AOPEP: variants seen among roughly 807,000 people sequenced by gnomAD.
AOPEP encodes the protein aminopeptidase O (putative).
AOPEP carries 77 observed loss-of-function variants against 98.1 expected under a neutral mutation model. The observed-to-expected ratio is 0.78, with a 90% CI of 0.65 to 0.95. AOPEP has a LOEUF of 0.95. AOPEP is among the 40% of genes least tolerant of loss of function. The pLI is 0.00. For synonymous variants in AOPEP, 346 were observed against 365.3 expected (o/e 0.95, Z 0.60); for missense variants, 1,024 against 1,024.7 (o/e 1.00, Z 0.01).
At chr9:94,990,698 C>T (rs976939696) in intron 11 of AOPEP, among the ~76,000 whole-genome samples, 1 of 151,942 alleles carries the variant, frequency 6.6e-6, no homozygotes, top group East Asian at 1.9e-4. Context: ...GATCTCGGCT[C>T]ACTGCAACCT....
intron 5 of AOPEP, among the ~76,000 whole-genome samples, chr9:94,889,065 C>T (rs1166043058): frequency 1.3e-5 from 2 of 152,110 alleles, no homozygotes; most frequent in Non-Finnish European, 2.9e-5. Flanking sequence ...GTGATCTCAG[C>T]TCACTGCAAC....
At chr9:94,853,832 A>T (rs2043857268) in intron 5 of AOPEP, among the ~76,000 whole-genome samples, 1 of 152,198 alleles carries the variant, frequency 6.6e-6, no homozygotes, top group African/African-American at 2.4e-5. Context: ...TCTTCATCAG[A>T]CAGATATTGT....
intron 1 of AOPEP, among the ~76,000 whole-genome samples, chr9:94,752,307 C>G (rs1196322914): frequency 1.3e-5 from 2 of 151,940 alleles, no homozygotes; most frequent in African/African-American, 4.8e-5. Flanking sequence ...CCTTCCACTT[C>G]AGGTATTTAG....
chr9:95,117,976 C>T, the AOPEP span, among the ~76,000 whole-genome samples: 547 of 152,170 alleles, frequency 3.6e-3, 2 homozygotes, highest in African/African-American at 0.013. Context: ...GCCGCCTCGG[C>T]CTCCCAAAGT....
Position 94,928,475 on chromosome 9 carries a change from C to G in AOPEP, c.1605C>G (p.Arg535=), listed in dbSNP as rs1460675299. The G allele has an allele frequency of 9.7e-6, 15 of 1,550,288 alleles. No individual in the cohort carries two copies. The Admixed American group carries it at 2.0e-4, about 20-fold the overall frequency. The part of the protein sequence containing the change: ...REQQELRACL[R]WRRLQDEMQC... ...AGCAGGAGCTGAGGGCTTGTCTGCGCTGGCGTCGCCTCCAGGACGAGATGC... is the reference window on the plus strand; with the variant it reads ...AGCAGGAGCTGAGGGCTTGTCTGCGGTGGCGTCGCCTCCAGGACGAGATGC... The change falls in exon 7 of 17, where the codon CGC becomes CGG. Residue 535 remains arginine (R), a synonymous_variant. Coordinates refer to ENST00000375315, the MANE Select transcript of AOPEP (RefSeq NM_001193329.3).
chr9:94,885,071 G>A (rs552920036), intron 5 of AOPEP, among the ~76,000 whole-genome samples: 11 of 149,968 alleles, frequency 7.3e-5, no homozygotes, highest in Non-Finnish European at 8.9e-5. Context: ...TGTGCTTGCC[G>A]CATGCAGTGG....
intron 5 of AOPEP, among the ~76,000 whole-genome samples, chr9:94,903,418 G>A (rs1204258399): frequency 6.6e-6 from 1 of 152,092 alleles, no homozygotes; most frequent in African/African-American, 2.4e-5. Context: ...ATCTGTGATA[G>A]CAGGTGTCAT....
At chr9:95,121,484 T>C in the AOPEP span, among the ~76,000 whole-genome samples, 7 of 152,220 alleles carry the variant, frequency 4.6e-5, no homozygotes, top group Non-Finnish European at 8.8e-5. Context: ...TCTATGAAAG[T>C]TGAACTTTTG....
At chr9:94,774,346 C>T (rs1016779849) in intron 3 of AOPEP, among the ~76,000 whole-genome samples, 5 of 149,420 alleles carry the variant, frequency 3.3e-5, no homozygotes, top group African/African-American at 1.2e-4. Context: ...GCATCTCCTT[C>T]CACATATTTA....
intron 5 of AOPEP, among the ~76,000 whole-genome samples, chr9:94,896,910 GTT>G (rs55947017): frequency 0.017 from 1,961 of 115,816 alleles, 18 homozygotes; most frequent in East Asian, 0.057. Context: ...ACTTTTGTGG[GTT>G]TTTTTTTTTT....
intron 5 of AOPEP, among the ~76,000 whole-genome samples, chr9:94,844,046 G>A (rs1157362223): frequency 6.6e-6 from 1 of 152,096 alleles, no homozygotes; most frequent in African/African-American, 2.4e-5. Flanking sequence ...CTTAAAGGAG[G>A]ATATTTATTA....
chr9:94,774,774 A>G (rs766418121), intron 3 of AOPEP, among the ~76,000 whole-genome samples: 1 of 152,186 alleles, frequency 6.6e-6, no homozygotes, highest in African/African-American at 2.4e-5. Flanking sequence ...TACATATCCC[A>G]TAATGTTTTC....
chr9:94,879,096 C>G (rs2135802673), intron 5 of AOPEP, among the ~76,000 whole-genome samples: 1 of 152,216 alleles, frequency 6.6e-6, no homozygotes, highest in Non-Finnish European at 1.5e-5. Context: ...CCAGGGTCTG[C>G]AAAATATCTC....
chr9:95,128,829 T>C, the AOPEP span, among the ~76,000 whole-genome samples: 1 of 152,212 alleles, frequency 6.6e-6, no homozygotes, highest in Non-Finnish European at 1.5e-5. Context: ...ATTTTAGCTT[T>C]TAAAACAGGT....
the AOPEP span, among the ~76,000 whole-genome samples, chr9:95,094,936 C>A: frequency 1.3e-5 from 2 of 152,174 alleles, no homozygotes; most frequent in Non-Finnish European, 2.9e-5. Flanking sequence ...AGTGTAGGAT[C>A]TCTGCCTTCT....
the AOPEP span, among the ~76,000 whole-genome samples, chr9:95,094,216 C>T: frequency 8.5e-5 from 13 of 152,332 alleles, no homozygotes; most frequent in East Asian, 1.4e-3. Flanking sequence ...CCTAGATGTG[C>T]GCACTAGTGT....
chr9:94,960,723 T>G (rs1365423333), intron 9 of AOPEP, among the ~76,000 whole-genome samples: 2 of 151,936 alleles, frequency 1.3e-5, no homozygotes, highest in African/African-American at 4.8e-5. Context: ...TGCGTAAGAA[T>G]GCTTGTGGGC....
chr9:94,876,426 C>T (rs1485567928), intron 5 of AOPEP, among the ~76,000 whole-genome samples: 3 of 150,374 alleles, frequency 2.0e-5, no homozygotes, highest in Admixed American at 1.3e-4. Flanking sequence ...AGTGCAATGG[C>T]GCGATCTTGG....
intron 2 of AOPEP, among the ~76,000 whole-genome samples, chr9:94,766,398 G>A (rs1303621585): frequency 1.3e-5 from 2 of 152,186 alleles, no homozygotes; most frequent in Admixed American, 6.5e-5. Context: ...TTAGCCGGGC[G>A]TGGTGGCGGG....
Sources: gnomAD v4.1 joint callset for allele counts (sites outside exome capture counted in the v4.1 genomes callset) on GRCh38, gnomAD v4.1.1 for gene constraint, MANE v1.5 for transcripts, NCBI Gene and HGNC (gene_info 2026-07-23, HGNC 2026-07-21) for gene names.